CDH18: variants seen among roughly 807,000 people sequenced by gnomAD.
CDH18 encodes cadherin 18, also known as cadherin-18.
CDH18 carries 31 observed loss-of-function variants against 67.9 expected under a neutral mutation model. The observed-to-expected ratio is 0.46, with a 90% confidence interval of 0.34 to 0.62. CDH18 has a LOEUF of 0.62. CDH18 is among the 20% of genes least tolerant of loss of function. CDH18 has a pLI of 0.01. For synonymous variants in CDH18, 362 were observed against 347.2 expected (o/e 1.04, Z -0.48); for missense variants, 890 against 975.5 (o/e 0.91, Z 1.17).
chr5:20,510,811 A>G (rs947555914), intron 1 of CDH18, among the ~76,000 whole-genome samples: 7 of 152,200 alleles, frequency 4.6e-5, no homozygotes, highest in Non-Finnish European at 2.9e-5. Flanking sequence ...GTGTCTAGCA[A>G]TTGAAAGTGT....
intron 1 of CDH18, among the ~76,000 whole-genome samples, chr5:20,452,392 A>G (rs1750517119): frequency 6.6e-6 from 1 of 152,148 alleles, no homozygotes; most frequent in Non-Finnish European, 1.5e-5. Context: ...GACAGATTGG[A>G]TAAAAACATA....
chr5:19,837,220 G>A (rs1214142972), intron 3 of CDH18, among the ~76,000 whole-genome samples: 1 of 151,990 alleles, frequency 6.6e-6, no homozygotes, highest in African/African-American at 2.4e-5. Flanking sequence ...GAGAACACAT[G>A]GACACAGAGT....
intron 10 of CDH18, among the ~76,000 whole-genome samples, chr5:19,512,118 A>G (rs915435747): frequency 2.6e-5 from 4 of 152,180 alleles, no homozygotes; most frequent in Non-Finnish European, 5.9e-5. Flanking sequence ...ATAAGTATCA[A>G]TTAAGCCAAG....
intron 2 of CDH18, among the ~76,000 whole-genome samples, chr5:19,955,331 T>C (rs1460098031): frequency 6.6e-6 from 1 of 151,902 alleles, no homozygotes; most frequent in South Asian, 2.1e-4. Context: ...GCATCAAATA[T>C]GATGGTAAAG....
At chr5:20,289,445 T>C (rs1746938136) in intron 1 of CDH18, among the ~76,000 whole-genome samples, 1 of 151,986 alleles carries the variant, frequency 6.6e-6, no homozygotes, top group Non-Finnish European at 1.5e-5. Flanking sequence ...CAGTGACTTG[T>C]GGCCACTTTA....
At chr5:20,299,451 A>C (rs988249259) in intron 1 of CDH18, among the ~76,000 whole-genome samples, 1 of 141,600 alleles carries the variant, frequency 7.1e-6, no homozygotes, top group African/African-American at 2.6e-5. Flanking sequence ...CACACACACA[A>C]AATGAGTCAT....
intron 2 of CDH18, among the ~76,000 whole-genome samples, chr5:19,906,946 T>C (rs1029380882): frequency 2.0e-5 from 3 of 152,054 alleles, no homozygotes; most frequent in African/African-American, 4.8e-5. Context: ...TGTATCATTT[T>C]ATAGGTAAAT....
At chr5:19,598,413 T>C (rs1746512671) in intron 6 of CDH18, among the ~76,000 whole-genome samples, 1 of 152,036 alleles carries the variant, frequency 6.6e-6, no homozygotes, top group African/African-American at 2.4e-5. Flanking sequence ...ATCTTGCATC[T>C]TTTTTTAAAA....
chr5:19,483,019 G>A (rs1406273130), intron 12 of CDH18, among the ~76,000 whole-genome samples: 3 of 151,838 alleles, frequency 2.0e-5, no homozygotes, highest in Non-Finnish European at 4.4e-5. Context: ...GCTCTTTCAC[G>A]GTGGGATTCT....
intron 2 of CDH18, among the ~76,000 whole-genome samples, chr5:20,177,324 A>T (rs1163272855): frequency 6.6e-6 from 1 of 152,176 alleles, no homozygotes; most frequent in Non-Finnish European, 1.5e-5. Flanking sequence ...AAGCCTTATT[A>T]TCATGGCATC....
At chr5:19,995,752 G>A (rs985424530) in intron 2 of CDH18, among the ~76,000 whole-genome samples, 2 of 151,982 alleles carry the variant, frequency 1.3e-5, no homozygotes, top group Admixed American at 6.6e-5. Flanking sequence ...TGCTTCCTGT[G>A]CTTCCCTTAT....
chr5:20,095,589 G>GAAAAAAGAAAGAAAGA (rs1745915545), intron 2 of CDH18, among the ~76,000 whole-genome samples: 1 of 141,744 alleles, frequency 7.1e-6, no homozygotes, highest in South Asian at 2.2e-4. Flanking sequence ...AGGAAGAAAG[G>GAAAAAAGAAAGAAAGA]AAGAAAGAAG....
chr5:20,494,319 C>A (rs1753777302), intron 1 of CDH18, among the ~76,000 whole-genome samples: 1 of 151,614 alleles, frequency 6.6e-6, no homozygotes, highest in South Asian at 2.1e-4. Flanking sequence ...AGGATAAAGG[C>A]AGAGAGGGAT....
At chr5:19,734,683 A>G (rs755747489) in intron 4 of CDH18, among the ~76,000 whole-genome samples, 1 of 152,138 alleles carries the variant, frequency 6.6e-6, no homozygotes, top group Non-Finnish European at 1.5e-5. Context: ...AGGGCTATAC[A>G]TTTGATCTAT....
At chr5:20,378,633 G>A (rs1469301463) in intron 1 of CDH18, among the ~76,000 whole-genome samples, 1 of 152,120 alleles carries the variant, frequency 6.6e-6, no homozygotes, top group Non-Finnish European at 1.5e-5. Context: ...TTTAGTACAA[G>A]TATGTAATTC....
intron 2 of CDH18, among the ~76,000 whole-genome samples, chr5:20,139,559 A>G (rs1750054874): frequency 6.6e-6 from 1 of 152,180 alleles, no homozygotes; most frequent in Admixed American, 6.6e-5. Flanking sequence ...AATCTTTGCA[A>G]TCTACCCATC....
intron 1 of CDH18, among the ~76,000 whole-genome samples, chr5:20,477,441 C>G (rs1198573201): frequency 1.3e-5 from 2 of 152,192 alleles, no homozygotes; most frequent in East Asian, 3.9e-4. Context: ...GCAGTGGCCA[C>G]ATAATGTGGA....
chr5:19,541,127 G>A (rs1750204022), intron 9 of CDH18, among the ~76,000 whole-genome samples: 1 of 152,114 alleles, frequency 6.6e-6, no homozygotes, highest in African/African-American at 2.4e-5. Context: ...GGGGCAAAAA[G>A]CTGCTAGTCT....
chr5:20,177,827 G>C (rs1273044101), intron 2 of CDH18, among the ~76,000 whole-genome samples: 2 of 152,040 alleles, frequency 1.3e-5, no homozygotes, highest in Non-Finnish European at 2.9e-5. Context: ...AACCCATTTT[G>C]CTTGGCTCTC....
Sources: allele counts gnomAD v4.1 joint callset (sites outside exome capture counted in the v4.1 genomes callset), GRCh38; gene constraint gnomAD v4.1.1; transcripts MANE v1.5; gene names NCBI Gene and HGNC (gene_info 2026-07-23, HGNC 2026-07-21).